HACE1: variants seen among roughly 807,000 people sequenced by gnomAD.
HACE1 encodes HECT domain and ankyrin repeat containing E3 ubiquitin protein ligase 1, also known as E3 ubiquitin-protein ligase HACE1.
In HACE1, 73 loss-of-function variants were observed where a neutral mutation model predicts 118.4. The ratio of observed to expected loss-of-function variants is 0.62; its 90% CI spans 0.51 to 0.75. HACE1 has a LOEUF of 0.75. Among genes scored for constraint, HACE1 ranks in the 30% least tolerant of loss-of-function variants. The pLI is 0.00. For synonymous variants in HACE1, 368 were observed against 374.8 expected (o/e 0.98, Z 0.21); for missense variants, 749 against 1,102.2 (o/e 0.68, Z 4.54).
At chr6:104,802,017 C>A in intron 7 of HACE1, among the ~76,000 whole-genome samples, 1 of 122,060 alleles carries the variant, frequency 8.2e-6, no homozygotes, top group African/African-American at 3.1e-5. Context: ...GAAGATCTAC[C>A]AAGCAAACGA....
chr6:104,809,425 G>A (rs1771361486), intron 7 of HACE1, among the ~76,000 whole-genome samples: 1 of 152,040 alleles, frequency 6.6e-6, no homozygotes, highest in African/African-American at 2.4e-5. Context: ...GCCTAAGGAA[G>A]AACATTTCAG....
intron 1 of HACE1, 75 bp downstream of exon 1, chr6:104,859,492 T>C (rs1295068446): frequency 1.8e-6 from 2 of 1,124,102 alleles, no homozygotes; most frequent in Non-Finnish European, 2.4e-6. Flanking sequence ...CCACCCGACC[T>C]TGACGCGGCC....
chr6:104,762,584 G>A (rs10458009), intron 19 of HACE1, among the ~76,000 whole-genome samples: 16,710 of 152,096 alleles, frequency 0.11, 956 homozygotes, highest in East Asian at 0.15. Flanking sequence ...AACATTAGGA[G>A]AAATACCTAA....
At chr6:104,812,723 C>G (rs1010775104) in intron 6 of HACE1, among the ~76,000 whole-genome samples, 1 of 152,010 alleles carries the variant, frequency 6.6e-6, no homozygotes, top group African/African-American at 2.4e-5. Context: ...ATAAGCAACT[C>G]AATTCTTACT....
intron 19 of HACE1, among the ~76,000 whole-genome samples, chr6:104,767,876 T>A (rs1780174567): frequency 1.3e-5 from 2 of 152,286 alleles, no homozygotes; most frequent in Admixed American, 1.3e-4. Context: ...CATTCCCTGA[T>A]ACCTGCCCCA....
intron 7 of HACE1, among the ~76,000 whole-genome samples, chr6:104,800,259 T>C (rs935007960): frequency 3.3e-5 from 5 of 152,114 alleles, no homozygotes. Context: ...GCCTACTGCC[T>C]CCATAGACTC....
chr6:104,783,583 C>T (rs1781986093), intron 14 of HACE1, among the ~76,000 whole-genome samples: 1 of 152,138 alleles, frequency 6.6e-6, no homozygotes, highest in African/African-American at 2.4e-5. Flanking sequence ...ACAAGCTTTC[C>T]TCCAGCTAGC....
chr6:104,808,513 C>G (rs1222845467), intron 7 of HACE1, among the ~76,000 whole-genome samples: 2 of 152,136 alleles, frequency 1.3e-5, no homozygotes, highest in African/African-American at 4.8e-5. Context: ...CCTACACAAA[C>G]TAGGTTCTTT....
At chr6:104,780,670 A>G (rs1781634616) in intron 14 of HACE1, among the ~76,000 whole-genome samples, 1 of 152,102 alleles carries the variant, frequency 6.6e-6, no homozygotes, top group East Asian at 1.9e-4. Flanking sequence ...CAAACAAGGG[A>G]ATTTTCCTCT....
intron 7 of HACE1, among the ~76,000 whole-genome samples, chr6:104,802,783 C>G (rs1770525365): frequency 6.6e-6 from 1 of 152,120 alleles, no homozygotes; most frequent in African/African-American, 2.4e-5. Flanking sequence ...AATCGACACC[C>G]TAACAGCACA....
intron 7 of HACE1, among the ~76,000 whole-genome samples, chr6:104,798,420 C>G (rs932479361): frequency 6.6e-6 from 1 of 152,028 alleles, no homozygotes; most frequent in Non-Finnish European, 1.5e-5. Flanking sequence ...TAATAGTATC[C>G]TACTACGAAT....
chr6:104,842,755 ACTTAT>A (rs1179945072), intron 5 of HACE1, among the ~76,000 whole-genome samples: 1 of 152,194 alleles, frequency 6.6e-6, no homozygotes, highest in African/African-American at 2.4e-5. Flanking sequence ...GTAAGCCATA[ACTTAT>A]CTTAATATAG....
intron 19 of HACE1, among the ~76,000 whole-genome samples, chr6:104,758,496 T>C (rs1366835394): frequency 1.3e-5 from 2 of 152,140 alleles, no homozygotes; most frequent in East Asian, 3.8e-4. Context: ...GACAAGCAAA[T>C]GCTGAGAGAC....
chr6:104,858,920 C>T (rs187246654), intron 1 of HACE1, among the ~76,000 whole-genome samples: 10 of 152,310 alleles, frequency 6.6e-5, no homozygotes, highest in African/African-American at 2.2e-4. Flanking sequence ...GGGACCATGC[C>T]TTATTCCTCT....
chr6:104,852,754 A>G (rs1776368055), intron 1 of HACE1, among the ~76,000 whole-genome samples: 1 of 152,188 alleles, frequency 6.6e-6, no homozygotes, highest in Non-Finnish European at 1.5e-5. Context: ...TTTACTTCCA[A>G]AGAGGTATTT....
At chr6:104,776,928 C>T (rs1013127986) in intron 16 of HACE1, 85 bp downstream of exon 16, 1 of 1,276,326 alleles carries the variant, frequency 7.8e-7, no homozygotes, top group Admixed American at 1.7e-5. Flanking sequence ...CTTCCTTTAT[C>T]AACTAAATAT....
intron 7 of HACE1, among the ~76,000 whole-genome samples, chr6:104,798,079 AAAAAGAAAG>A (rs1562394060): frequency 6.6e-6 from 1 of 151,830 alleles, no homozygotes; most frequent in Non-Finnish European, 1.5e-5. Context: ...GAAAAAAAAA[AAAAAGAAAG>A]AAAGAAAGAA....
chr6:104,850,415 G>A (rs1040621171), intron 3 of HACE1, among the ~76,000 whole-genome samples: 11 of 152,100 alleles, frequency 7.2e-5, no homozygotes, highest in East Asian at 3.9e-4. Flanking sequence ...CTGGCCTTTC[G>A]TAAGCCAAAT....
At chr6:104,744,282 T>G in intron 21 of HACE1, 52 bp from the exon 22 acceptor site, 1 of 1,078,968 alleles carries the variant, frequency 9.3e-7, no homozygotes, top group Non-Finnish European at 1.4e-6. Flanking sequence ...ATTGTAGACT[T>G]CTCAATACCA....
Sources: allele counts gnomAD v4.1 joint callset (sites outside exome capture counted in the v4.1 genomes callset), GRCh38; gene constraint gnomAD v4.1.1; transcripts MANE v1.5; gene names NCBI Gene and HGNC (gene_info 2026-07-23, HGNC 2026-07-21).